Variants in CSMD2 observed in about 807,000 individuals in gnomAD.
CSMD2 encodes CUB and sushi domain-containing protein 2.
A neutral mutation model predicts 398.5 loss-of-function variants in CSMD2; 130 were observed. The observed-to-expected ratio is 0.33, with a 90% confidence interval of 0.28 to 0.38. CSMD2 has a LOEUF of 0.38. Ranked by LOEUF, CSMD2 falls within the 10% of genes least tolerant of loss-of-function variation. CSMD2 has a pLI of 1.00. For missense variants in CSMD2, 3,829 were observed against 4,764.9 expected (o/e 0.80, Z 5.78); for synonymous variants, 1,828 against 1,908.5 (o/e 0.96, Z 1.10).
intron 10 of CSMD2, among the ~76,000 whole-genome samples, chr1:33,794,720 G>T (rs1468626133): frequency 6.6e-6 from 1 of 152,208 alleles, no homozygotes; most frequent in Non-Finnish European, 1.5e-5. Flanking sequence ...AGGGAGAGTT[G>T]AAAGCTCGGA....
At chr1:33,535,269 C>T (rs984745339) in intron 62 of CSMD2, among the ~76,000 whole-genome samples, 2 of 152,178 alleles carry the variant, frequency 1.3e-5, no homozygotes, top group African/African-American at 4.8e-5. Flanking sequence ...GGGGCTCTTT[C>T]CCTGCTGTGT....
intron 25 of CSMD2, among the ~76,000 whole-genome samples, chr1:33,682,088 G>A (rs1190026351): frequency 6.6e-6 from 1 of 152,174 alleles, no homozygotes; most frequent in African/African-American, 2.4e-5. Flanking sequence ...GCTCCCTCTG[G>A]AAGCTCCAGA....
chr1:33,691,949 C>T (rs1645256121), intron 25 of CSMD2, among the ~76,000 whole-genome samples: 1 of 152,138 alleles, frequency 6.6e-6, no homozygotes, highest in African/African-American at 2.4e-5. Flanking sequence ...TCACCTGAGC[C>T]ATGGCTCAAG....
At chr1:33,676,597 T>TG (rs1227684447) in intron 25 of CSMD2, among the ~76,000 whole-genome samples, 1 of 152,070 alleles carries the variant, frequency 6.6e-6, no homozygotes, top group Non-Finnish European at 1.5e-5. Context: ...TTCACAGAAT[T>TG]GGAAAAAACT....
chr1:33,592,476 A>G, intron 44 of CSMD2: 2 of 717,132 alleles, frequency 2.8e-6, no homozygotes, highest in Non-Finnish European at 5.2e-6. Context: ...ATGTACAAAC[A>G]GCTGCCAAGT....
In CSMD2 at chr1:33,890,452, G is replaced by A. The variant is rs537417856; in HGVS notation, c.920+27642C>T. On this transcript the variant is annotated intron_variant, in intron 5 of 70. Coordinates refer to ENST00000373381, the MANE Select transcript of CSMD2 (RefSeq NM_001281956.2). ...TCACCATGTTAGCCAGGATGGTCTC[G>A]ATCTCCTGACCTTGTGATCTGCCTG... Among the ~76,000 whole-genome samples, 521 of 152,152 alleles carry A rather than the reference G, an allele frequency of 3.4e-3. 4 individuals are homozygous for A. Among genetic ancestry groups the A allele is most frequent in the African/African-American group, 0.012 (482 of 41,496 alleles).
At chr1:33,554,818 C>A (rs989575701) in intron 55 of CSMD2, among the ~76,000 whole-genome samples, 1 of 152,152 alleles carries the variant, frequency 6.6e-6, no homozygotes, top group Non-Finnish European at 1.5e-5. Flanking sequence ...TAATACTGCT[C>A]ATTGACAATG....
intron 11 of CSMD2, among the ~76,000 whole-genome samples, chr1:33,789,750 C>G (rs1654003807): frequency 6.6e-6 from 1 of 152,212 alleles, no homozygotes; most frequent in Admixed American, 6.5e-5. Context: ...ATCCAACAGC[C>G]TGGCCTGTGT....
chr1:33,764,348 A>G lies in CSMD2; in HGVS notation c.1846+8221T>C, dbSNP rs2149310189. Among the ~76,000 whole-genome samples the G allele has an allele frequency of 2.6e-5, 4 of 152,202 alleles. No individual in the cohort carries two copies. The South Asian group carries it at 8.3e-4, about 32-fold the overall frequency. ...ATGACTAGTGCCCATTCTCCAGTAC[A>G]GTAGCAGATACAGACCCTCCCCCAT... On this transcript the variant is annotated intron_variant, in intron 13 of 70. Transcript: ENST00000373381.
intron 2 of CSMD2, 121 bp downstream of exon 2, chr1:34,088,856 A>G: frequency 2.5e-6 from 2 of 789,392 alleles, no homozygotes; most frequent in Non-Finnish European, 4.3e-6. Context: ...GAGGGAGGAC[A>G]TCATGAAAAC....
intron 1 of CSMD2, among the ~76,000 whole-genome samples, chr1:34,150,078 TC>T (rs748557994): frequency 0.014 from 1,898 of 136,732 alleles, 164 homozygotes; most frequent in Admixed American, 0.074. Context: ...TTTTCTTCTT[TC>T]TTTTTTTTTT....
intron 7 of CSMD2, among the ~76,000 whole-genome samples, chr1:33,822,262 G>A (rs1334915834): frequency 1.3e-5 from 2 of 152,156 alleles, no homozygotes; most frequent in Non-Finnish European, 2.9e-5. Context: ...GGGGACCTAG[G>A]GCATGAGGAG....
intron 3 of CSMD2, among the ~76,000 whole-genome samples, chr1:33,962,107 A>C (rs1485778134): frequency 6.6e-6 from 1 of 152,304 alleles, no homozygotes; most frequent in African/African-American, 2.4e-5. Context: ...CAGCAAATTC[A>C]TGCGGTCTGG....
chr1:34,051,320 G>C (rs770160428), intron 2 of CSMD2, among the ~76,000 whole-genome samples: 24 of 152,154 alleles, frequency 1.6e-4, no homozygotes, highest in Non-Finnish European at 3.1e-4. Flanking sequence ...TACAGAATGG[G>C]TAGTGAAAGA....
At chr1:33,594,085 T>C (rs1189505744) in intron 44 of CSMD2, among the ~76,000 whole-genome samples, 1 of 152,230 alleles carries the variant, frequency 6.6e-6, no homozygotes, top group African/African-American at 2.4e-5. Context: ...TTATTGTATT[T>C]GCACTGCTTT....
At position 33,519,606 on chromosome 1, in the gene CSMD2, T is replaced by C. The variant is rs777547697; in HGVS notation, c.10808A>G (p.Asn3603Ser). Residue 3603 changes from asparagine (N) to serine (S), a missense_variant, in exon 70 of 71, where the codon AAC becomes AGC. By Grantham distance (46) the Asn-to-Ser change is conservative (BLOSUM62 1). Around this residue, in one of 5 missense-constraint regions of CSMD2, gnomAD observed 917 missense variants for 1,199.5 expected, o/e 0.76. Coordinates refer to ENST00000373381, the MANE Select transcript of CSMD2 (RefSeq NM_001281956.2). The surrounding 1 kb of genome is among the most constrained non-coding windows in gnomAD (Gnocchi z 5.6). The stretch of plus-strand genomic sequence containing the variant: ...CTGGATGTTGCGGTCGTACATTGGG[T>C]TCTCAAATGTGGCCCGAACATTGGT... ...ENTNVRATFE[N>S]PMYDRNIQPT... 1.2e-6 allele frequency: 2 copies of C among 1,613,800 alleles called. No homozygotes were observed. The highest frequency in any genetic ancestry group is 1.7e-6 in the Non-Finnish European group (2 of 1,179,938).
chr1:33,899,846 G>C (rs1056898884), intron 5 of CSMD2, among the ~76,000 whole-genome samples: 4 of 152,136 alleles, frequency 2.6e-5, no homozygotes, highest in Non-Finnish European at 5.9e-5. Context: ...TGCCCTTCAG[G>C]GTACTGCCAA....
intron 4 of CSMD2, among the ~76,000 whole-genome samples, chr1:33,929,430 TAC>T (rs1644238995): frequency 2.1e-5 from 3 of 142,202 alleles, no homozygotes; most frequent in Non-Finnish European, 4.6e-5. Context: ...ACCAAGCCTA[TAC>T]TTTTTTTTTT....
At chr1:34,020,483 G>A (rs1484041320) in intron 3 of CSMD2, among the ~76,000 whole-genome samples, 1 of 152,110 alleles carries the variant, frequency 6.6e-6, no homozygotes, top group Admixed American at 6.5e-5. Context: ...GGCCAGGGCT[G>A]GGGACCACAG....
Sources: gnomAD v4.1 joint callset for allele counts (sites outside exome capture counted in the v4.1 genomes callset) on GRCh38, gnomAD v4.1.1 for gene constraint, gnomAD v4.1.1 regional missense constraint, Gnocchi (gnomAD v3.1) non-coding constraint, MANE v1.5 for transcripts, NCBI Gene and HGNC (gene_info 2026-07-23, HGNC 2026-07-21) for gene names.